The following FNBP1 variants were observed in gnomAD, a reference collection of about 807,000 sequenced individuals.
The protein encoded by FNBP1 is formin binding protein 1.
FNBP1 carries 26 observed loss-of-function variants against 90.6 expected under a neutral mutation model. The observed-to-expected ratio is 0.29, with a 90% CI of 0.21 to 0.40. The LOEUF (loss-of-function observed/expected upper bound fraction) is 0.40, where lower values mean the gene tolerates loss of function less well. FNBP1 is among the 10% of genes least tolerant of loss of function. FNBP1 has a pLI of 1.00. For missense variants in FNBP1, 635 were observed against 768.0 expected (o/e 0.83, Z 2.05); for synonymous variants, 260 against 265.2 (o/e 0.98, Z 0.19).
At chr9:129,958,074 G>A (rs866757801) in intron 5 of FNBP1, among the ~76,000 whole-genome samples, 4 of 152,116 alleles carry the variant, frequency 2.6e-5, no homozygotes, top group South Asian at 2.1e-4. Flanking sequence ...GTGTTTTTAT[G>A]TGCATGTTTT....
At chr9:129,907,732 TTTTTG>T (rs1283605623) in intron 12 of FNBP1, among the ~76,000 whole-genome samples, 2 of 152,084 alleles carry the variant, frequency 1.3e-5, no homozygotes, top group East Asian at 3.8e-4. Context: ...GGTTTTGATT[TTTTTG>T]TTTTGTTTTG....
At chr9:129,979,648 C>CT (rs971466637) in intron 2 of FNBP1, among the ~76,000 whole-genome samples, 7 of 151,248 alleles carry the variant, frequency 4.6e-5, no homozygotes, top group African/African-American at 9.7e-5. Flanking sequence ...CAGTGGCTTT[C>CT]TTTTTTTTTG....
chr9:130,034,344 G>A (rs1361518084), intron 1 of FNBP1, among the ~76,000 whole-genome samples: 4 of 150,182 alleles, frequency 2.7e-5, no homozygotes, highest in African/African-American at 4.9e-5. Context: ...TTGGTCAGGC[G>A]TGGTAGTGTA....
chr9:130,048,309 C>A, the FNBP1 span, among the ~76,000 whole-genome samples: 1 of 16,504 alleles, frequency 6.1e-5, no homozygotes, highest in Non-Finnish European at 1.2e-4. Flanking sequence ...AGCAAGACTC[C>A]ATCTCAAAAA....
chr9:129,894,129 C>T (rs543865694), intron 16 of FNBP1, among the ~76,000 whole-genome samples: 2 of 152,006 alleles, frequency 1.3e-5, no homozygotes, highest in East Asian at 1.9e-4. Flanking sequence ...GGCTAATTTC[C>T]TACTTGAAAG....
Position 129,951,440 on chromosome 9 carries a change from A to ATTTATTTGTTTG in FNBP1, c.513+5919_513+5920insCAAACAAATAAA, listed in dbSNP as rs1554810011. 5.0e-3 allele frequency among the ~76,000 whole-genome samples: 738 copies of ATTTATTTGTTTG among 148,896 alleles called. 5 individuals are homozygous for ATTTATTTGTTTG. Among genetic ancestry groups the ATTTATTTGTTTG allele is most frequent in the African/African-American group, 0.017 (685 of 40,092 alleles). ...TTTCTATTTATTTATTTATTTATTTATTTGTTTGTTTGTTTGTTTGAGACA... is the reference window on the plus strand; with the variant it reads ...TTTCTATTTATTTATTTATTTATTTATTTATTTGTTTGTTTGTTTGTTTGTTTGTTTGAGACA... On this transcript the variant is annotated intron_variant, in intron 6 of 16. Transcript: ENST00000446176.
rs1414258034 is a variant in FNBP1, at chr9:130,042,488, G to A, written c.24+464C>T. Reference sequence around the variant, plus strand: ...TCGCCCCGGCCGCCCCGCTCCCGGGGAAGTGCCCGATCCGCCAGCGCCTCC... The same window carrying A: ...TCGCCCCGGCCGCCCCGCTCCCGGGAAAGTGCCCGATCCGCCAGCGCCTCC... On this transcript the variant is annotated intron_variant, in intron 1 of 16. Coordinates refer to ENST00000446176, the MANE Select transcript of FNBP1 (RefSeq NM_015033.3). The surrounding 1 kb of genome is among the most constrained non-coding windows in gnomAD (Gnocchi z 5.5). Among the ~76,000 whole-genome samples the A allele has an allele frequency of 6.6e-6, 1 of 151,844 alleles. No individual in the cohort carries two copies. Among genetic ancestry groups the A allele is most frequent in the African/African-American group, 2.4e-5 (1 of 41,374 alleles).
intron 4 of FNBP1, among the ~76,000 whole-genome samples, chr9:129,967,532 T>G (rs1045263286): frequency 1.2e-4 from 18 of 151,360 alleles, no homozygotes; most frequent in Non-Finnish European, 2.4e-4. Flanking sequence ...AAAAAGTTTG[T>G]TTTGGGGTGG....
chr9:129,982,986 A>C (rs566791439), intron 2 of FNBP1, among the ~76,000 whole-genome samples: 1 of 152,300 alleles, frequency 6.6e-6, no homozygotes, highest in South Asian at 2.1e-4. Flanking sequence ...TTAAATATTA[A>C]TCATTTCTTC....
chr9:130,026,965 C>CAA lies in FNBP1; in HGVS notation c.24+15985_24+15986dup, dbSNP rs765168982. ...TGGGCAACAGAGCCAGACCCTGTCT[C>CAA]AAAAAAAAAAAAAAAAAAGTTTTGT... On this transcript the variant is annotated intron_variant, in intron 1 of 16. Coordinates refer to ENST00000446176, the MANE Select transcript of FNBP1 (RefSeq NM_015033.3). Among the ~76,000 whole-genome samples, 19 of 76,032 alleles carry CAA rather than the reference C, an allele frequency of 2.5e-4. 1 individual carries two copies. The highest frequency in any genetic ancestry group is 5.8e-4 in the African/African-American group (12 of 20,842). 49.9% of individuals were successfully genotyped at this position (76,032 alleles called of 152,430 possible).
chr9:129,994,916 C>T lies in FNBP1; in HGVS notation c.67G>A (p.Asp23Asn). The change falls in exon 2 of 17, where the codon GAT (aspartate) becomes AAT (asparagine). Residue 23 changes from aspartate (D) to asparagine (N), a missense_variant. Coordinates refer to ENST00000446176, the MANE Select transcript of FNBP1 (RefSeq NM_015033.3). ...AACTTGATATATTTCTCAAGAATATCAATTCCCCACTGTGTGTGTTTTTCT... is the reference window on the plus strand; with the variant it reads ...AACTTGATATATTTCTCAAGAATATTAATTCCCCACTGTGTGTGTTTTTCT... Reference protein sequence around the residue: ...NLEKHTQWGIDILEKYIKFVK... With the variant: ...NLEKHTQWGINILEKYIKFVK... The T allele has an allele frequency of 6.2e-7, 1 of 1,607,388 alleles. No homozygotes were observed. Among genetic ancestry groups the T allele is most frequent in the Non-Finnish European group, 8.5e-7 (1 of 1,175,332 alleles).
At position 130,042,725 on chromosome 9, in the gene FNBP1, G is replaced by T. The variant is rs1440744852; in HGVS notation, c.24+227C>A. On this transcript the variant is annotated intron_variant, in intron 1 of 16. Transcript: ENST00000446176. This position sits in a 1 kb window ranked among gnomAD's most constrained non-coding sequence, Gnocchi z 5.5. ...CCGCGCCGTTCCTCAGGCCGCCGGG[G>T]ACCCGCACCAACTCCCCTCGCCTCC... Among the ~76,000 whole-genome samples the T allele has an allele frequency of 3.3e-5, 5 of 151,682 alleles. No individual in the cohort carries two copies. Among genetic ancestry groups the T allele is most frequent in the Admixed American group, 2.0e-4 (3 of 15,238 alleles).
At chr9:129,939,033 A>C (rs1477421250) in intron 6 of FNBP1, among the ~76,000 whole-genome samples, 1 of 152,136 alleles carries the variant, frequency 6.6e-6, no homozygotes, top group Non-Finnish European at 1.5e-5. Flanking sequence ...GCTGGAGTGC[A>C]GTGGCATGAT....
At position 129,923,945 on chromosome 9, in the gene FNBP1, G is replaced by T; in HGVS notation, c.1069C>A (p.Pro357Thr). 1 of 1,588,148 alleles carries T rather than the reference G, an allele frequency of 6.3e-7. No homozygotes were observed. Among genetic ancestry groups the T allele is most frequent in the East Asian group, 2.3e-5 (1 of 42,886 alleles). ...TCCTTTTGCTGCTTGGGAGACTGGGGGCCGTTGGGAACAGCAGAGGGTGAG... is the reference window on the plus strand; with the variant it reads ...TCCTTTTGCTGCTTGGGAGACTGGGTGCCGTTGGGAACAGCAGAGGGTGAG... Reference protein sequence around the residue: ...SASPSAVPNGPQSPKQQKEPL... With the variant: ...SASPSAVPNGTQSPKQQKEPL... The change falls in exon 10 of 17, where the codon CCC (proline) becomes ACC (threonine). Residue 357 changes from proline (P) to threonine (T), a missense_variant. Transcript: ENST00000446176.
At chr9:129,899,570 A>G (rs2131299576) in intron 15 of FNBP1, among the ~76,000 whole-genome samples, 1 of 152,182 alleles carries the variant, frequency 6.6e-6, no homozygotes, top group Non-Finnish European at 1.5e-5. Context: ...AAAGTACAAA[A>G]GTACAAAAAT....
chr9:130,049,859 C>CT, the FNBP1 span, among the ~76,000 whole-genome samples: 1,075 of 151,988 alleles, frequency 7.1e-3, 13 homozygotes, highest in African/African-American at 0.025. Flanking sequence ...TCAGCATTTT[C>CT]TTTTTTTGTG....
At chr9:129,911,099 C>T (rs868265559) in intron 11 of FNBP1, among the ~76,000 whole-genome samples, 4 of 152,182 alleles carry the variant, frequency 2.6e-5, no homozygotes, top group African/African-American at 9.7e-5. Context: ...CGACCTCAGG[C>T]GATCTGCCCA....
intron 4 of FNBP1, among the ~76,000 whole-genome samples, chr9:129,963,857 T>C (rs775117400): frequency 4.9e-4 from 75 of 152,112 alleles, no homozygotes; most frequent in Non-Finnish European, 8.7e-4. Context: ...TCAAGTGATA[T>C]GCCTGCCTCA....
chr9:129,998,467 C>CGGG (rs1381075936), intron 1 of FNBP1, among the ~76,000 whole-genome samples: 1 of 150,678 alleles, frequency 6.6e-6, no homozygotes, highest in Non-Finnish European at 1.5e-5. Flanking sequence ...TGAGCCAAGA[C>CGGG]GGGGCCATTG....
Sources: allele counts gnomAD v4.1 joint callset (sites outside exome capture counted in the v4.1 genomes callset), GRCh38; gene constraint gnomAD v4.1.1; non-coding constraint Gnocchi (gnomAD v3.1); transcripts MANE v1.5; gene names NCBI Gene and HGNC (gene_info 2026-07-23, HGNC 2026-07-21).